Variants in LMF1 observed in about 807,000 individuals in gnomAD.
LMF1 encodes lipase maturation factor 1.
In LMF1, 68 loss-of-function variants were observed where a neutral mutation model predicts 60.6. The observed-to-expected ratio is 1.12, with a 90% confidence interval of 0.92 to 1.37. LMF1 has a LOEUF of 1.37. Among genes scored for constraint, LMF1 ranks in the 40% most tolerant of loss-of-function variants. The pLI is 0.00. For missense variants in LMF1, 948 were observed against 767.2 expected (o/e 1.24, Z -2.78); for synonymous variants, 418 against 324.7 (o/e 1.29, Z -3.09).
intron 2 of LMF1, among the ~76,000 whole-genome samples, chr16:942,170 G>A (rs2072116560): frequency 6.6e-6 from 1 of 152,178 alleles, no homozygotes; most frequent in South Asian, 2.1e-4. Context: ...GAAGGATATT[G>A]TCACTGGATA....
At chr16:942,587 A>G (rs2072130112) in intron 2 of LMF1, among the ~76,000 whole-genome samples, 1 of 145,030 alleles carries the variant, frequency 6.9e-6, no homozygotes, top group Non-Finnish European at 1.5e-5. Context: ...ATGTTAGCCC[A>G]CCGGGTGCTA....
intron 10 of LMF1, among the ~76,000 whole-genome samples, chr16:868,531 C>A (rs1046398239): frequency 6.6e-6 from 1 of 152,214 alleles, no homozygotes; most frequent in Non-Finnish European, 1.5e-5. Context: ...AGGGCTCTCA[C>A]TGCAGTCCCC....
chr16:931,029 G>A (rs527817351), intron 3 of LMF1, among the ~76,000 whole-genome samples: 85 of 152,208 alleles, frequency 5.6e-4, no homozygotes, highest in Non-Finnish European at 1.0e-3. Flanking sequence ...GCTGAGGCAG[G>A]AGAATCACTT....
chr16:935,817 ACC>A (rs2071926607), intron 2 of LMF1, among the ~76,000 whole-genome samples: 1 of 152,162 alleles, frequency 6.6e-6, no homozygotes, highest in Non-Finnish European at 1.5e-5. Flanking sequence ...ACATCGTCCG[ACC>A]TTTGAATATG....
intron 4 of LMF1, among the ~76,000 whole-genome samples, chr16:906,166 A>G (rs1396649430): frequency 6.6e-6 from 1 of 152,146 alleles, no homozygotes; most frequent in African/African-American, 2.4e-5. Flanking sequence ...TTGTCCAGGA[A>G]TCATTTGATC....
intron 3 of LMF1, among the ~76,000 whole-genome samples, chr16:932,039 C>T (rs1453351557): frequency 1.3e-5 from 2 of 152,202 alleles, no homozygotes; most frequent in African/African-American, 4.8e-5. Flanking sequence ...CACGTCCCAC[C>T]CCCCATGCAG....
chr16:914,821 C>G (rs992592498), intron 3 of LMF1, among the ~76,000 whole-genome samples: 1 of 136,284 alleles, frequency 7.3e-6, no homozygotes, highest in Non-Finnish European at 1.6e-5. Context: ...CTTCCCATGA[C>G]CATCTCCCTC....
chr16:892,809 G>C (rs544213035), intron 5 of LMF1, among the ~76,000 whole-genome samples, 198 bp downstream of exon 5: 1 of 152,332 alleles, frequency 6.6e-6, no homozygotes, highest in East Asian at 1.9e-4. Flanking sequence ...GAGGGCCACA[G>C]ACCCCGTCCC....
chr16:948,721 C>CAG lies in LMF1; in HGVS notation c.503+5634_503+5635dup, dbSNP rs201158220. ...ACAGAATCAGAGACAACGACAGAGT[C>CAG]AGCCAATGACAGAGTCAGAGACGAC... On this transcript the variant is annotated intron_variant, in intron 2 of 10. Coordinates refer to ENST00000262301, the MANE Select transcript of LMF1 (RefSeq NM_022773.4). Among the ~76,000 whole-genome samples, 7 of 50,444 alleles carry CAG rather than the reference C, an allele frequency of 1.4e-4. 2 individuals are homozygous for CAG. The highest frequency in any genetic ancestry group is 5.5e-4 in the African/African-American group (3 of 5,452). 33.1% of individuals were successfully genotyped at this position (50,444 alleles called of 152,430 possible).
At chr16:980,196 G>T in intron 1 of LMF1, 1 of 192,374 alleles carries the variant, frequency 5.2e-6, no homozygotes, top group Non-Finnish European at 1.1e-5. Context: ...GGAGGCCAAT[G>T]CTTCCTCCAA....
chr16:868,827 C>A, intron 10 of LMF1, 117 bp downstream of exon 10: 1 of 669,592 alleles, frequency 1.5e-6, no homozygotes, highest in Non-Finnish European at 2.6e-6. Context: ...CCTGCCTCTG[C>A]GGGAGGGAAG....
chr16:942,576 T>C (rs555053110), intron 2 of LMF1, among the ~76,000 whole-genome samples: 1 of 151,408 alleles, frequency 6.6e-6, no homozygotes, highest in Admixed American at 6.6e-5. Context: ...CAATCACACA[T>C]ATGTTAGCCC....
At chr16:969,294 AAC>A (rs1382709754) in intron 1 of LMF1, among the ~76,000 whole-genome samples, 4 of 152,282 alleles carry the variant, frequency 2.6e-5, no homozygotes, top group Non-Finnish European at 5.9e-5. Context: ...CAGCCTGGGC[AAC>A]AGAGTGAGAC....
chr16:870,746 A>T lies in LMF1; in HGVS notation c.1215T>A (p.Thr405=), dbSNP rs1191934350. 1 of 1,612,794 alleles carries T rather than the reference A, an allele frequency of 6.2e-7. No homozygotes were observed. Among genetic ancestry groups the T allele is most frequent in the African/African-American group, 1.3e-5 (1 of 74,898 alleles). Residue 405 remains threonine, a synonymous_variant, in exon 8 of 11, where the codon ACT becomes ACA. Transcript: ENST00000262301. ...GCTCATACCTTCCGAAGGCCCCGTA[A>T]GTGTTGACGATGTGAAGAGAGTTGA... ...THFNSLHIVN[T]YGAFGSITKE...
At position 878,685 on chromosome 16, in the gene LMF1, C is replaced by T. The variant is rs79208410; in HGVS notation, c.897+885G>A. On this transcript the variant is annotated intron_variant, in intron 6 of 10. Coordinates refer to ENST00000262301, the MANE Select transcript of LMF1 (RefSeq NM_022773.4). The surrounding 1 kb of genome is among the most constrained non-coding windows in gnomAD (Gnocchi z 5.2). ...GTGGCGTGGCACCCGTGCCTGCTGA[C>T]GGAGCTTTGCCCCTCTAGGCGGCGG... Among the ~76,000 whole-genome samples, 985 of 142,300 alleles carry T rather than the reference C, an allele frequency of 6.9e-3. 11 individuals carry two copies. Among genetic ancestry groups the T allele is most frequent in the African/African-American group, 0.023 (912 of 39,426 alleles). The allele number at this position is 142,300 out of a possible 152,430, so 93.4% of individuals were successfully genotyped here. A position where few individuals can be genotyped will look rare whatever the true frequency, so the allele number is the denominator to read the frequency against.
chr16:973,865 C>T (rs1202624744), upstream of LMF1, among the ~76,000 whole-genome samples: 1 of 152,042 alleles, frequency 6.6e-6, no homozygotes, highest in African/African-American at 2.4e-5. Context: ...ACAAAATTAG[C>T]CGGGCATGGT....
chr16:947,323 G>GC, intron 2 of LMF1: 1 of 373,480 alleles, frequency 2.7e-6, no homozygotes. Flanking sequence ...GCCAGGGAGG[G>GC]CCCCACCCAC....
At chr16:971,224 G>C (rs951037018), upstream of LMF1, among the ~76,000 whole-genome samples, 1 of 152,210 alleles carries the variant, frequency 6.6e-6, no homozygotes, top group African/African-American at 2.4e-5. Context: ...GGTAGGGCGC[G>C]GGGCCGGGTA....
At chr16:979,806 A>G (rs1596193846) in intron 1 of LMF1, 1 of 451,696 alleles carries the variant, frequency 2.2e-6, no homozygotes, top group Non-Finnish European at 4.4e-6. Flanking sequence ...TTTGGACCGG[A>G]CCCCCACCCT....
Sources: gnomAD v4.1 joint callset for allele counts (sites outside exome capture counted in the v4.1 genomes callset) on GRCh38, gnomAD v4.1.1 for gene constraint, Gnocchi (gnomAD v3.1) non-coding constraint, MANE v1.5 for transcripts, NCBI Gene and HGNC (gene_info 2026-07-23, HGNC 2026-07-21) for gene names.